GABRG3: variants seen among roughly 807,000 people sequenced by gnomAD.
The protein encoded by GABRG3 is gamma-aminobutyric acid receptor subunit gamma-3.
In GABRG3, 25 loss-of-function variants were observed where a neutral mutation model predicts 48.8. The observed-to-expected ratio is 0.51, with a 90% confidence interval of 0.37 to 0.72. The LOEUF (loss-of-function observed/expected upper bound fraction) is 0.72. Among genes scored for constraint, GABRG3 ranks in the 30% least tolerant of loss-of-function variants. The pLI is 0.00. For synonymous variants in GABRG3, 227 were observed against 217.6 expected (o/e 1.04, Z -0.38); for missense variants, 394 against 577.9 (o/e 0.68, Z 3.26).
intron 3 of GABRG3, among the ~76,000 whole-genome samples, chr15:27,174,871 G>C (rs1207911312): frequency 6.6e-6 from 1 of 152,100 alleles, no homozygotes; most frequent in Non-Finnish European, 1.5e-5. Flanking sequence ...AAGGGACTCT[G>C]CCCCTCTCAG....
At chr15:27,313,270 A>ATATATATATATATATG (rs1595669934) in intron 3 of GABRG3, among the ~76,000 whole-genome samples, 22 of 47,086 alleles carry the variant, frequency 4.7e-4, no homozygotes, top group Admixed American at 4.3e-3. Flanking sequence ...GTGTATATAT[A>ATATATATATATATATG]TATATATATA....
chr15:27,280,745 A>G (rs1891406400), intron 3 of GABRG3, among the ~76,000 whole-genome samples: 1 of 152,224 alleles, frequency 6.6e-6, no homozygotes, highest in South Asian at 2.1e-4. Flanking sequence ...TTTAGTGTCT[A>G]GGATACGGTT....
At chr15:27,273,465 A>G (rs1299083796) in intron 3 of GABRG3, among the ~76,000 whole-genome samples, 1 of 152,224 alleles carries the variant, frequency 6.6e-6, no homozygotes, top group Admixed American at 6.5e-5. Context: ...AGACATTAAC[A>G]TGTTCTGCAT....
At chr15:27,268,562 C>T (rs1393490742) in intron 3 of GABRG3, among the ~76,000 whole-genome samples, 5 of 151,960 alleles carry the variant, frequency 3.3e-5, no homozygotes, top group African/African-American at 1.2e-4. Flanking sequence ...TTTTTGGAGG[C>T]AGATGTGGTA....
intron 3 of GABRG3, among the ~76,000 whole-genome samples, chr15:27,142,801 G>A (rs566751658): frequency 6.6e-6 from 1 of 151,700 alleles, no homozygotes; most frequent in Non-Finnish European, 1.5e-5. Flanking sequence ...TTGAGACAGG[G>A]TTTTGTCTGT....
At chr15:27,520,532 C>G (rs1252668370) in intron 7 of GABRG3, among the ~76,000 whole-genome samples, 1 of 149,962 alleles carries the variant, frequency 6.7e-6, no homozygotes, top group Non-Finnish European at 1.5e-5. Context: ...AATTGAAGCT[C>G]TGCTTGTATA....
chr15:27,272,258 T>C (rs970529704), intron 3 of GABRG3, among the ~76,000 whole-genome samples: 1 of 152,228 alleles, frequency 6.6e-6, no homozygotes, highest in African/African-American at 2.4e-5. Flanking sequence ...TTCATGGAAG[T>C]TGCATCTGTG....
At chr15:27,028,362 G>A (rs553200602) in intron 3 of GABRG3, among the ~76,000 whole-genome samples, 1 of 152,286 alleles carries the variant, frequency 6.6e-6, no homozygotes, top group South Asian at 2.1e-4. Context: ...ATGCCTGGAG[G>A]GGCACATGGG....
intron 3 of GABRG3, among the ~76,000 whole-genome samples, chr15:27,152,238 G>A (rs1898330258): frequency 6.6e-6 from 1 of 152,098 alleles, no homozygotes; most frequent in South Asian, 2.1e-4. Context: ...AAAAGACTAT[G>A]TTTCCTCCAT....
At chr15:27,143,297 C>T (rs1898138765) in intron 3 of GABRG3, among the ~76,000 whole-genome samples, 1 of 152,078 alleles carries the variant, frequency 6.6e-6, no homozygotes, top group African/African-American at 2.4e-5. Context: ...GTAGGCTGGT[C>T]TAGAACTCTT....
chr15:27,215,292 C>A (rs1233134800), intron 3 of GABRG3, among the ~76,000 whole-genome samples: 2 of 152,158 alleles, frequency 1.3e-5, no homozygotes, highest in Non-Finnish European at 2.9e-5. Context: ...GCTTCTCTTT[C>A]TCTTGATAAC....
chr15:27,169,452 G>A (rs1191777359), intron 3 of GABRG3, among the ~76,000 whole-genome samples: 2 of 152,180 alleles, frequency 1.3e-5, no homozygotes, highest in Non-Finnish European at 2.9e-5. Flanking sequence ...ATGTTGGTAG[G>A]TGGGTCTGGA....
At chr15:27,392,743 A>G (rs1887175463) in intron 5 of GABRG3, among the ~76,000 whole-genome samples, 1 of 152,132 alleles carries the variant, frequency 6.6e-6, no homozygotes, top group Non-Finnish European at 1.5e-5. Context: ...TCATTTATCA[A>G]TTGACTCAAT....
chr15:27,521,458 T>C (rs552626254), intron 7 of GABRG3, among the ~76,000 whole-genome samples: 8 of 152,170 alleles, frequency 5.3e-5, no homozygotes, highest in Non-Finnish European at 8.8e-5. Context: ...ACTCTTTACA[T>C]TGTAAGGAGT....
chr15:27,142,345 T>G (rs191859670), intron 3 of GABRG3, among the ~76,000 whole-genome samples: 3 of 152,288 alleles, frequency 2.0e-5, no homozygotes, highest in East Asian at 3.9e-4. Context: ...TGGGTAAGCC[T>G]CACAATCATG....
rs528780451 is a variant in GABRG3, at chr15:27,500,015, T to C, written c.712+19228T>C. The stretch of plus-strand genomic sequence containing the variant: ...CCCCGCTGCAAAAAGAGGGTCAGTG[T>C]CTGGAACACACAGAGCAAGGAGGCA... On this transcript the variant is annotated intron_variant, in intron 6 of 9. Transcript: ENST00000615808. 3.8e-4 allele frequency among the ~76,000 whole-genome samples: 58 copies of C among 152,216 alleles called. 1 individual carries two copies. The South Asian group carries it at 0.011, about 30-fold the overall frequency.
chr15:27,538,896 G>T lies in GABRG3; in HGVS notation c.*6015G>T, dbSNP rs531704958. The T allele has an allele frequency of 7.9e-5, 12 of 152,250 alleles. No individual in the cohort carries two copies. The highest frequency in any genetic ancestry group is 1.3e-4 in the Non-Finnish European group (9 of 68,016). 9.4% of individuals were successfully genotyped at this position (152,250 alleles called of 1,614,324 possible). A position where few individuals can be genotyped will look rare whatever the true frequency, so the allele number is the denominator to read the frequency against. On this transcript the variant is annotated 3_prime_UTR_variant, in exon 10 of 10. Transcript: ENST00000615808. ...CCAATTTGTATTTTCTTAAATATGT[G>T]TTTCTTAGGTATCTAAGGATACATG...
chr15:27,411,398 A>G (rs913425313), intron 5 of GABRG3, among the ~76,000 whole-genome samples: 1 of 152,104 alleles, frequency 6.6e-6, no homozygotes, highest in Non-Finnish European at 1.5e-5. Context: ...CCATAGTTAT[A>G]AAGTTCCTCA....
At chr15:27,248,767 A>AACACACACACACAC (rs150140195) in intron 3 of GABRG3, among the ~76,000 whole-genome samples, 82 of 117,084 alleles carry the variant, frequency 7.0e-4, no homozygotes, top group Middle Eastern at 4.7e-3. Context: ...TGAGAAGGAA[A>AACACACACACACAC]ACACACACAC....
Sources: gnomAD v4.1 joint callset for allele counts (sites outside exome capture counted in the v4.1 genomes callset) on GRCh38, gnomAD v4.1.1 for gene constraint, MANE v1.5 for transcripts, NCBI Gene and HGNC (gene_info 2026-07-23, HGNC 2026-07-21) for gene names.